The following SMCO4 variants were observed in gnomAD, a reference collection of about 807,000 sequenced individuals.
SMCO4 encodes single-pass membrane protein with coiled-coil domains 4.
A neutral mutation model predicts 3.6 loss-of-function variants in SMCO4; 4 were observed. The observed-to-expected ratio is 1.11, with a 90% CI of 0.54 to 2.53. The LOEUF (loss-of-function observed/expected upper bound fraction) is 2.53. SMCO4 is among the 30% of genes most tolerant of loss of function. SMCO4 has a pLI of 0.02. For synonymous variants in SMCO4, 36 were observed against 35.3 expected (o/e 1.02, Z -0.07); for missense variants, 70 against 80.8 (o/e 0.87, Z 0.51).
At chr11:93,489,481 G>A (rs867437948) in intron 2 of SMCO4, among the ~76,000 whole-genome samples, 112 of 152,274 alleles carry the variant, frequency 7.4e-4, no homozygotes, top group African/African-American at 2.5e-3. Context: ...GGGAGGAGTG[G>A]CATGACCTGC....
At chr11:93,481,331 T>A (rs886261160) in intron 2 of SMCO4, 1 of 609,352 alleles carries the variant, frequency 1.6e-6, no homozygotes, top group African/African-American at 2.0e-5. Flanking sequence ...AGGGACGCGG[T>A]ACAGGTGGGC....
At chr11:93,498,924 A>G (rs932891092) in intron 2 of SMCO4, among the ~76,000 whole-genome samples, 4 of 152,194 alleles carry the variant, frequency 2.6e-5, no homozygotes, top group Non-Finnish European at 5.9e-5. Context: ...GGCAACGAGA[A>G]TAAAGCGTGG....
At chr11:93,482,036 G>A (rs1013075785) in intron 2 of SMCO4, among the ~76,000 whole-genome samples, 6 of 152,284 alleles carry the variant, frequency 3.9e-5, no homozygotes, top group African/African-American at 9.6e-5. Context: ...GCATTCAGAA[G>A]TTCCTGGAGG....
chr11:93,552,376 G>A, the SMCO4 span, among the ~76,000 whole-genome samples: 1 of 150,580 alleles, frequency 6.6e-6, no homozygotes, highest in South Asian at 2.1e-4. Flanking sequence ...CCAGCCTCAG[G>A]TGATCCACCC....
chr11:93,502,933 A>G (rs1948857282), intron 1 of SMCO4, among the ~76,000 whole-genome samples: 2 of 152,316 alleles, frequency 1.3e-5, no homozygotes, highest in African/African-American at 2.4e-5. Flanking sequence ...GGTGTTCTGT[A>G]TATGTTAATC....
chr11:93,527,670 A>G (rs1466556457), intron 1 of SMCO4, among the ~76,000 whole-genome samples: 2 of 152,166 alleles, frequency 1.3e-5, no homozygotes, highest in African/African-American at 2.4e-5. Context: ...TATATTGTCC[A>G]GGCTGGTCTC....
At chr11:93,533,497 T>C (rs1185021338) in intron 1 of SMCO4, among the ~76,000 whole-genome samples, 1 of 152,162 alleles carries the variant, frequency 6.6e-6, no homozygotes, top group Non-Finnish European at 1.5e-5. Context: ...GGCCTACTTG[T>C]GCTCTGTCCT....
At chr11:93,534,381 G>T (rs556668925) in intron 1 of SMCO4, among the ~76,000 whole-genome samples, 21 of 147,622 alleles carry the variant, frequency 1.4e-4, no homozygotes, top group South Asian at 4.3e-4. Context: ...TATATAGAGA[G>T]AGAGAGAGAG....
intron 1 of SMCO4, among the ~76,000 whole-genome samples, chr11:93,532,115 C>T (rs1032207877): frequency 6.6e-6 from 1 of 152,106 alleles, no homozygotes; most frequent in African/African-American, 2.4e-5. Flanking sequence ...GTCACAGGCG[C>T]ATGTCAAAAT....
chr11:93,485,219 A>G (rs1948634700), intron 2 of SMCO4, among the ~76,000 whole-genome samples: 1 of 152,182 alleles, frequency 6.6e-6, no homozygotes, highest in Admixed American at 6.5e-5. Context: ...TCAGGGGCTC[A>G]CACTGCCCTC....
chr11:93,482,453 T>C, intron 2 of SMCO4, among the ~76,000 whole-genome samples: 1 of 152,202 alleles, frequency 6.6e-6, no homozygotes, highest in South Asian at 2.1e-4. Context: ...GCTGAAGATC[T>C]GTATTTGGAA....
chr11:93,544,407 C>G (rs764967689), upstream of SMCO4, among the ~76,000 whole-genome samples: 6 of 152,196 alleles, frequency 3.9e-5, no homozygotes, highest in Non-Finnish European at 8.8e-5. Flanking sequence ...CCTGTAACCT[C>G]TTCCCCTCCA....
At chr11:93,534,375 T>TATATATATAGAGAG (rs369643237) in intron 1 of SMCO4, among the ~76,000 whole-genome samples, 8 of 142,132 alleles carry the variant, frequency 5.6e-5, no homozygotes, top group African/African-American at 1.6e-4. Context: ...TATATATATA[T>TATATATATAGAGAG]AGAGAGAGAG....
rs557749843 is a variant in SMCO4 at position 93,503,417 on chromosome 11, C to T, written c.-153-4069G>A. Among the ~76,000 whole-genome samples the T allele has an allele frequency of 3.3e-5, 5 of 152,264 alleles. No homozygotes were observed. In the South Asian group the frequency reaches 6.2e-4, roughly 19 times the overall value. On this transcript the variant is annotated intron_variant, in intron 1 of 2. Transcript: ENST00000298966. ...CTCCCAACAGTTCCCTCCCACAACACGTGGGAATTATGGGAGCTACAATTC... is the reference window on the plus strand; with the variant it reads ...CTCCCAACAGTTCCCTCCCACAACATGTGGGAATTATGGGAGCTACAATTC...
At chr11:93,537,169 C>T (rs1336815874) in intron 1 of SMCO4, among the ~76,000 whole-genome samples, 2 of 152,250 alleles carry the variant, frequency 1.3e-5, no homozygotes, top group African/African-American at 4.8e-5. Context: ...GAGGCCTCCA[C>T]TGTCACCAGC....
chr11:93,507,958 T>G (rs1948923491), intron 1 of SMCO4, among the ~76,000 whole-genome samples: 1 of 152,258 alleles, frequency 6.6e-6, no homozygotes, highest in Non-Finnish European at 1.5e-5. Context: ...TAAATGTTTG[T>G]GCTTTGGAAA....
chr11:93,491,551 T>C (rs1948717712), intron 2 of SMCO4, among the ~76,000 whole-genome samples: 1 of 152,224 alleles, frequency 6.6e-6, no homozygotes, highest in South Asian at 2.1e-4. Flanking sequence ...TGAGATTATG[T>C]AACTTGCTCA....
chr11:93,515,955 A>T (rs1949004307), intron 1 of SMCO4, among the ~76,000 whole-genome samples: 1 of 152,180 alleles, frequency 6.6e-6, no homozygotes, highest in South Asian at 2.1e-4. Flanking sequence ...CAAGGGGTCC[A>T]AATGCAGTAA....
Position 93,542,260 on chromosome 11 carries a change from G to A in SMCO4, c.-154+1016C>T, listed in dbSNP as rs1198884506. ...CTAGCAGGCCATGTCTTCCACCCTT[G>A]CCACCCTCGAGGCTGTGAGCAGATG... On this transcript the variant is annotated intron_variant, in intron 1 of 2. Transcript: ENST00000298966. 2.0e-5 allele frequency among the ~76,000 whole-genome samples: 3 copies of A among 152,126 alleles called. No individual in the cohort carries two copies. The East Asian group carries it at 5.8e-4, about 29-fold the overall frequency.
Sources: gnomAD v4.1 joint callset for allele counts (sites outside exome capture counted in the v4.1 genomes callset) on GRCh38, gnomAD v4.1.1 for gene constraint, MANE v1.5 for transcripts, NCBI Gene and HGNC (gene_info 2026-07-23, HGNC 2026-07-21) for gene names.